Variants in SLC4A4 observed in about 807,000 individuals in gnomAD.
SLC4A4 encodes the protein electrogenic sodium bicarbonate cotransporter 1.
In SLC4A4, 27 loss-of-function variants were observed where a neutral mutation model predicts 111.5. The ratio of observed to expected loss-of-function variants is 0.24; its 90% confidence interval spans 0.18 to 0.33. The LOEUF (loss-of-function observed/expected upper bound fraction) is 0.33, where lower values mean the gene tolerates loss of function less well. Among genes scored for constraint, SLC4A4 ranks in the 10% least tolerant of loss-of-function variants. The probability of loss-of-function intolerance (pLI) is 1.00; values close to 1 mark genes in which losing one functional copy is unlikely to be tolerated. For missense variants in SLC4A4, 909 were observed against 1,315.5 expected, an observed-to-expected ratio of 0.69 and a Z score of 4.78; for synonymous variants, 443 against 463.4, an observed-to-expected ratio of 0.96 and a Z score of 0.57.
intron 3 of SLC4A4, among the ~76,000 whole-genome samples, chr4:71,274,352 G>GT (rs1722918802): frequency 1.3e-5 from 2 of 152,148 alleles, no homozygotes; most frequent in Non-Finnish European, 2.9e-5. Context: ...AAATTTGCAT[G>GT]TAAGTGGACC....
chr4:71,348,748 G>GTGTTTTT (rs929987772), intron 4 of SLC4A4, among the ~76,000 whole-genome samples: 16 of 152,206 alleles, frequency 1.1e-4, no homozygotes, highest in Admixed American at 1.0e-3. Flanking sequence ...GTCTACTAAT[G>GTGTTTTT]TGTTTTTTTT....
rs1453042980 is a variant in SLC4A4, at chr4:71,486,954, T to A, written c.1910T>A (p.Ile637Asn). 6.3e-7 allele frequency: 1 copy of A among 1,593,810 alleles called. No individual in the cohort carries two copies. Among genetic ancestry groups the A allele is most frequent in the Non-Finnish European group, 8.6e-7 (1 of 1,164,212 alleles). Residue 637 changes from isoleucine (I) to asparagine (N), a missense_variant, in exon 15 of 26, where the codon ATC becomes AAC. Physicochemically the swap from Ile to Asn is moderately radical, Grantham distance 149. Around this residue, in one of 7 missense-constraint regions of SLC4A4, gnomAD observed 264 missense variants for 356.8 expected, o/e 0.74. Transcript: ENST00000264485. ...AATTATCTTTTGCTTACAGCTAATA[T>A]CTCAATATCTAATGACACCACACTG... ...CTCVPPDPAN[I>N]SISNDTTLAP...
intron 1 of SLC4A4, among the ~76,000 whole-genome samples, chr4:71,063,461 G>T (rs1194676495): frequency 6.6e-6 from 1 of 151,754 alleles, no homozygotes; most frequent in Non-Finnish European, 1.5e-5. Context: ...CATAACTAAA[G>T]AATTTTATTA....
chr4:71,479,304 A>G (rs374452169), intron 14 of SLC4A4, among the ~76,000 whole-genome samples: 6 of 151,716 alleles, frequency 4.0e-5, no homozygotes, highest in African/African-American at 1.2e-4. Flanking sequence ...GGAAGTAACC[A>G]TGGCTTCCAG....
Position 71,473,003 on chromosome 4 carries a change from T to C in SLC4A4, c.1903+33T>C, listed in dbSNP as rs769233591. On this transcript the variant is annotated intron_variant, in intron 14 of 25. Transcript: ENST00000264485. ...CATTACGCTTTGTGTTTATGCTCGCTTTGTATTTGGAGGAAGGTGTAGGCT... is the reference window on the plus strand; with the variant it reads ...CATTACGCTTTGTGTTTATGCTCGCCTTGTATTTGGAGGAAGGTGTAGGCT... 3 of 1,612,202 alleles carry C rather than the reference T, an allele frequency of 1.9e-6. No individual in the cohort carries two copies. In the South Asian group the frequency reaches 3.3e-5, roughly 18 times the overall value.
intron 1 of SLC4A4, among the ~76,000 whole-genome samples, chr4:71,077,928 A>G (rs1413407648): frequency 1.3e-5 from 2 of 152,198 alleles, no homozygotes. Context: ...CTAAATATAC[A>G]TTTTTTAGAA....
intron 3 of SLC4A4, among the ~76,000 whole-genome samples, chr4:71,277,560 T>TTTTC (rs1453052067): frequency 4.3e-4 from 64 of 149,504 alleles, no homozygotes; most frequent in African/African-American, 1.4e-3. Flanking sequence ...CTCTTTCTCT[T>TTTTC]TTTCTTTCCT....
At chr4:71,445,858 G>C (rs185753048) in intron 8 of SLC4A4, among the ~76,000 whole-genome samples, 2 of 152,136 alleles carry the variant, frequency 1.3e-5, no homozygotes, top group Admixed American at 1.3e-4. Flanking sequence ...AATACTATAC[G>C]TAGTGGCATA....
At chr4:71,547,847 G>T in intron 20 of SLC4A4, 127 bp downstream of exon 20, 1 of 818,020 alleles carries the variant, frequency 1.2e-6, no homozygotes, top group South Asian at 1.4e-5. Flanking sequence ...CTGAAGCAGG[G>T]GTCAAGTAGA....
At chr4:71,493,878 A>G (rs1470312781) in intron 15 of SLC4A4, among the ~76,000 whole-genome samples, 2 of 152,026 alleles carry the variant, frequency 1.3e-5, no homozygotes, top group Non-Finnish European at 2.9e-5. Context: ...TCTTGAAAAA[A>G]TAGTCTGTAA....
chr4:71,081,165 T>G (rs1741984699), intron 1 of SLC4A4, among the ~76,000 whole-genome samples: 2 of 152,254 alleles, frequency 1.3e-5, no homozygotes, highest in South Asian at 4.1e-4. Flanking sequence ...ATCTCTGCCT[T>G]TCCCACCCTG....
intron 1 of SLC4A4, among the ~76,000 whole-genome samples, chr4:71,089,674 T>C (rs944028075): frequency 6.6e-6 from 1 of 151,998 alleles, no homozygotes; most frequent in Non-Finnish European, 1.5e-5. Flanking sequence ...ACAGACCCTG[T>C]TTGCCTAGGT....
At chr4:71,070,294 T>C (rs1741631514) in intron 1 of SLC4A4, among the ~76,000 whole-genome samples, 1 of 152,212 alleles carries the variant, frequency 6.6e-6, no homozygotes, top group Admixed American at 6.5e-5. Flanking sequence ...TTACATTATA[T>C]TCCAATGTTG....
At chr4:71,180,889 C>T (rs1444674840) in intron 2 of SLC4A4, among the ~76,000 whole-genome samples, 1 of 152,142 alleles carries the variant, frequency 6.6e-6, no homozygotes, top group African/African-American at 2.4e-5. Context: ...GATTATAAAT[C>T]ATGCTACTAG....
chr4:71,343,680 A>G (rs182629517), intron 4 of SLC4A4, among the ~76,000 whole-genome samples: 1 of 152,346 alleles, frequency 6.6e-6, no homozygotes, highest in East Asian at 1.9e-4. Context: ...CAGTACTACT[A>G]CAACTCTAGT....
At chr4:71,090,475 C>G (rs1171549133) in intron 1 of SLC4A4, among the ~76,000 whole-genome samples, 2 of 152,148 alleles carry the variant, frequency 1.3e-5, no homozygotes, top group Admixed American at 1.3e-4. Context: ...AATCACCCGT[C>G]TTCTGCATCG....
At chr4:71,323,052 A>T (rs555584593) in intron 3 of SLC4A4, among the ~76,000 whole-genome samples, 3 of 152,114 alleles carry the variant, frequency 2.0e-5, no homozygotes, top group Middle Eastern at 6.8e-3. Context: ...TGTTGAACAT[A>T]TTTTTGAGAA....
At chr4:71,401,201 G>C (rs1468054555) in intron 7 of SLC4A4, among the ~76,000 whole-genome samples, 1 of 152,178 alleles carries the variant, frequency 6.6e-6, no homozygotes, top group Non-Finnish European at 1.5e-5. Flanking sequence ...TTTTTTATGA[G>C]ATTCTGTTTT....
intron 2 of SLC4A4, among the ~76,000 whole-genome samples, chr4:71,154,037 G>A (rs963231553): frequency 1.4e-4 from 22 of 152,130 alleles, no homozygotes; most frequent in African/African-American, 4.6e-4. Context: ...AGACATATGC[G>A]GATTTGGAGT....
Sources: allele counts gnomAD v4.1 joint callset (sites outside exome capture counted in the v4.1 genomes callset), GRCh38; gene constraint gnomAD v4.1.1; regional missense constraint gnomAD v4.1.1; transcripts MANE v1.5; gene names NCBI Gene and HGNC (gene_info 2026-07-23, HGNC 2026-07-21).